The following SFMBT2 variants were observed in gnomAD, a reference collection of about 807,000 sequenced individuals.
The protein encoded by SFMBT2 is Scm like with four mbt domains 2, also known as scm-like with four MBT domains protein 2.
Under a neutral mutation model 110.1 loss-of-function variants are expected in SFMBT2, and 38 were observed. The observed-to-expected ratio is 0.35, with a 90% CI of 0.27 to 0.45. The LOEUF (loss-of-function observed/expected upper bound fraction) is 0.45. SFMBT2 is among the 20% of genes least tolerant of loss of function. The pLI is 1.00. For synonymous variants in SFMBT2, 425 were observed against 425.4 expected, an observed-to-expected ratio of 1.00 and a Z score of 0.01; for missense variants, 1,011 against 1,094.9, an observed-to-expected ratio of 0.92 and a Z score of 1.08.
chr10:7,312,737 T>C (rs1251344596), intron 4 of SFMBT2, among the ~76,000 whole-genome samples: 1 of 152,098 alleles, frequency 6.6e-6, no homozygotes, highest in Admixed American at 6.5e-5. Flanking sequence ...CGAATCACAA[T>C]GGTGTTTACT....
intron 12 of SFMBT2, chr10:7,203,804 C>T (rs1197054190): frequency 3.7e-6 from 1 of 268,742 alleles, no homozygotes. Context: ...CAACCTCTGC[C>T]TCCCGGATTC....
At chr10:7,203,314 A>C (rs1439002175) in intron 12 of SFMBT2, 1 of 166,820 alleles carries the variant, frequency 6.0e-6, no homozygotes, top group Admixed American at 6.5e-5. Context: ...ACTCTTGACT[A>C]TCTGATATTC....
At chr10:7,206,727 G>T in intron 11 of SFMBT2, 4 of 733,752 alleles carry the variant, frequency 5.5e-6, no homozygotes, top group Non-Finnish European at 6.7e-6. Context: ...TTTAACAGCA[G>T]CAAAAGTTTC....
chr10:7,272,499 T>A (rs556640536), intron 7 of SFMBT2, among the ~76,000 whole-genome samples: 1 of 152,204 alleles, frequency 6.6e-6, no homozygotes, highest in South Asian at 2.1e-4. Flanking sequence ...GATATAAGCA[T>A]GGGGAGGTGA....
intron 1 of SFMBT2, among the ~76,000 whole-genome samples, chr10:7,402,643 G>C (rs1458606377): frequency 2.0e-5 from 3 of 152,084 alleles, no homozygotes; most frequent in African/African-American, 7.2e-5. Flanking sequence ...CCAATATAGA[G>C]CAAGAGCCTT....
chr10:7,329,326 A>G (rs1240209996), intron 4 of SFMBT2, among the ~76,000 whole-genome samples: 1 of 152,190 alleles, frequency 6.6e-6, no homozygotes, highest in Non-Finnish European at 1.5e-5. Context: ...TTCTGGCTCT[A>G]GGGGCCCCTT....
At chr10:7,398,830 T>C (rs1845993316) in intron 1 of SFMBT2, among the ~76,000 whole-genome samples, 1 of 152,228 alleles carries the variant, frequency 6.6e-6, no homozygotes, top group African/African-American at 2.4e-5. Flanking sequence ...TACATACAAA[T>C]GCAGATAAGT....
In SFMBT2 at chr10:7,200,286, G is replaced by A. The variant is rs566029150; in HGVS notation, c.1558+128C>T. 6.1e-6 allele frequency: 4 copies of A among 652,172 alleles called. No individual in the cohort carries two copies. The East Asian group carries it at 1.2e-4, about 20-fold the overall frequency. 40.4% of individuals were successfully genotyped at this position (652,172 alleles called of 1,614,324 possible). A position where few individuals can be genotyped will look rare whatever the true frequency, so the allele number is the denominator to read the frequency against. ...AAAAAGTAGGTATCCGTTCCTGAGT[G>A]GCAATGGAGAAAAACAGAATAGGCT... On this transcript the variant is annotated intron_variant, in intron 14 of 20. Coordinates refer to ENST00000397167, the MANE Select transcript of SFMBT2 (RefSeq NM_001387889.1).
chr10:7,230,680 C>A (rs1840090715), intron 9 of SFMBT2, among the ~76,000 whole-genome samples: 1 of 152,204 alleles, frequency 6.6e-6, no homozygotes, highest in African/African-American at 2.4e-5. Context: ...CACCCATAAT[C>A]CCAGCACTTT....
chr10:7,203,067 T>C, intron 12 of SFMBT2: 3 of 985,476 alleles, frequency 3.0e-6, no homozygotes, highest in Non-Finnish European at 3.6e-6. Context: ...TTCCAGTTTA[T>C]ATTTGTAACT....
At chr10:7,233,951 C>T (rs1399495087) in intron 9 of SFMBT2, among the ~76,000 whole-genome samples, 2 of 152,252 alleles carry the variant, frequency 1.3e-5, no homozygotes, top group African/African-American at 4.8e-5. Context: ...ATTGCCTCCA[C>T]CTGTTTCACA....
chr10:7,241,384 T>C, intron 9 of SFMBT2: 1 of 940,396 alleles, frequency 1.1e-6, no homozygotes, highest in Non-Finnish European at 1.3e-6. Context: ...CTAGCCACCA[T>C]TACTCAATAT....
At chr10:7,261,883 G>T (rs1431334507) in intron 7 of SFMBT2, among the ~76,000 whole-genome samples, 1 of 152,218 alleles carries the variant, frequency 6.6e-6, no homozygotes, top group African/African-American at 2.4e-5. Context: ...TTCAAAGTAG[G>T]GTGGCTGGCG....
Position 7,205,836 on chromosome 10 carries a change from TC to T in SFMBT2, c.1422del (p.Thr475LeufsTer69). 1 of 1,614,060 alleles carries T rather than the reference TC, an allele frequency of 6.2e-7. No individual in the cohort carries two copies. Among genetic ancestry groups the T allele is most frequent in the Non-Finnish European group, 8.5e-7 (1 of 1,179,962 alleles). On this transcript the variant is annotated frameshift_variant, in exon 12 of 21. Coordinates refer to ENST00000397167, the MANE Select transcript of SFMBT2 (RefSeq NM_001387889.1). LOFTEE classifies it high-confidence loss of function. Reference protein sequence around the residue: ...VGWCEANSYPLTAPHKTVSQK... With the variant: ...VGWCEANSYPXTAPHKTVSQK... ...TTACAGACTGTTTTGTGTGGTGCAG[TC>T]AAAGGATAAGAATTGGCTTCACACC...
At chr10:7,328,185 T>A (rs527446492) in intron 4 of SFMBT2, among the ~76,000 whole-genome samples, 11 of 152,342 alleles carry the variant, frequency 7.2e-5, no homozygotes, top group Admixed American at 3.3e-4. Context: ...TGTAGTAATA[T>A]TGACTGTGGC....
intron 20 of SFMBT2, among the ~76,000 whole-genome samples, chr10:7,168,731 G>C (rs1837778328): frequency 1.3e-5 from 2 of 152,244 alleles, no homozygotes; most frequent in Non-Finnish European, 2.9e-5. Context: ...TTTCAAAATG[G>C]AGATGTGGCT....
At chr10:7,258,355 TA>T (rs1373835349) in intron 7 of SFMBT2, among the ~76,000 whole-genome samples, 1 of 152,200 alleles carries the variant, frequency 6.6e-6, no homozygotes, top group East Asian at 1.9e-4. Flanking sequence ...TATTTGGATA[TA>T]AAATAAAATA....
chr10:7,167,766 T>C (rs1837735007), intron 20 of SFMBT2, among the ~76,000 whole-genome samples: 1 of 152,226 alleles, frequency 6.6e-6, no homozygotes, highest in Admixed American at 6.5e-5. Flanking sequence ...TGAACTTGCC[T>C]AATGTGAAAT....
At chr10:7,186,993 T>C (rs2131572555) in intron 16 of SFMBT2, among the ~76,000 whole-genome samples, 1 of 152,366 alleles carries the variant, frequency 6.6e-6, no homozygotes, top group Admixed American at 6.5e-5. Context: ...ATGCTGCCTT[T>C]ACAATTCAGT....
Sources: allele counts gnomAD v4.1 joint callset (sites outside exome capture counted in the v4.1 genomes callset), GRCh38; gene constraint gnomAD v4.1.1; transcripts MANE v1.5; gene names NCBI Gene and HGNC (gene_info 2026-07-23, HGNC 2026-07-21).